Variants in TRIM55 observed in about 807,000 individuals in gnomAD.
TRIM55 encodes tripartite motif-containing protein 55.
A neutral mutation model predicts 60.9 loss-of-function variants in TRIM55; 50 were observed. That is an observed-to-expected ratio of 0.82 (90% CI 0.65 to 1.04). TRIM55 has a LOEUF of 1.04. Ranked by LOEUF, TRIM55 falls within the 50% of genes least tolerant of loss-of-function variation. The pLI is 0.00. For missense variants in TRIM55, 681 were observed against 666.9 expected (o/e 1.02, Z -0.23); for synonymous variants, 237 against 238.1 (o/e 1.00, Z 0.04).
chr8:66,146,594 C>T (rs1810108627), intron 4 of TRIM55, among the ~76,000 whole-genome samples: 1 of 152,150 alleles, frequency 6.6e-6, no homozygotes, highest in African/African-American at 2.4e-5. Flanking sequence ...TTCAAGTGCA[C>T]AACTCATTTG....
intron 9 of TRIM55, among the ~76,000 whole-genome samples, chr8:66,158,351 G>A (rs1273894929): frequency 6.6e-6 from 1 of 152,104 alleles, no homozygotes; most frequent in African/African-American, 2.4e-5. Context: ...ATATCATAAT[G>A]ATTTGTTGTT....
At chr8:66,116,942 A>G in the TRIM55 span, among the ~76,000 whole-genome samples, 1 of 152,246 alleles carries the variant, frequency 6.6e-6, no homozygotes, top group South Asian at 2.1e-4. Flanking sequence ...ACAACATATA[A>G]AAAGGAAAAT....
intron 9 of TRIM55, among the ~76,000 whole-genome samples, chr8:66,158,714 A>G (rs1007321015): frequency 2.0e-5 from 3 of 152,242 alleles, no homozygotes; most frequent in Non-Finnish European, 4.4e-5. Flanking sequence ...AATAATTATA[A>G]TAGATTCTCA....
At chr8:66,123,881 G>T (rs1808722229), upstream of TRIM55, among the ~76,000 whole-genome samples, 1 of 152,124 alleles carries the variant, frequency 6.6e-6, no homozygotes, top group African/African-American at 2.4e-5. Flanking sequence ...CTGTTTCAGA[G>T]GTTTTTGTTT....
At position 66,127,154 on chromosome 8, in the gene TRIM55, G is replaced by A. The variant is rs6998258; in HGVS notation, c.-115G>A. ...AGGGCCTGAAACAATGTCCTCCACC[G>A]AGAGAAACGTAAAGGACACTTGATC... is the stretch of plus-strand genomic sequence containing the variant. On this transcript the variant is annotated 5_prime_UTR_variant, in exon 1 of 10. Coordinates refer to ENST00000315962, the MANE Select transcript of TRIM55 (RefSeq NM_184085.2). 0.044 allele frequency: 51,498 copies of A among 1,168,752 alleles called. 1,674 individuals are homozygous for A. Among genetic ancestry groups the A allele is most frequent in the African/African-American group, 0.14 (9,128 of 64,434 alleles). 72.4% of individuals were successfully genotyped at this position (1,168,752 alleles called of 1,614,324 possible). A position where few individuals can be genotyped will look rare whatever the true frequency, so the allele number is the denominator to read the frequency against.
chr8:66,174,504 G>C lies in TRIM55; in HGVS notation c.1558G>C (p.Ala520Pro). 6.2e-7 allele frequency: 1 copy of C among 1,612,214 alleles called. No individual in the cohort carries two copies. The highest frequency in any genetic ancestry group is 2.2e-5 in the East Asian group (1 of 44,724). Residue 520 changes from alanine to proline, a missense_variant, in exon 10 of 10, where the codon GCT (alanine) becomes CCT (proline). Transcript: ENST00000315962. ...GFEAPPLQGQ[A>P]AAPASGSGAD... is the part of the protein sequence containing the mutation. ...TGAGGCTCCTCCCCTCCAGGGACAG[G>C]CTGCAGCTCCAGCGAGTGGCAGTGG...
chr8:66,152,281 C>T (rs1356170004), intron 7 of TRIM55, 96 bp from the exon 8 acceptor site: 2 of 1,464,582 alleles, frequency 1.4e-6, no homozygotes, highest in African/African-American at 2.9e-5. Flanking sequence ...AACTCCCCAG[C>T]CTTGACCTTA....
At chr8:66,164,366 A>AT (rs1408624934) in intron 9 of TRIM55, among the ~76,000 whole-genome samples, 1 of 152,168 alleles carries the variant, frequency 6.6e-6, no homozygotes, top group African/African-American at 2.4e-5. Flanking sequence ...GTGGGGCTCT[A>AT]TTTTTAGTTT....
Position 66,150,508 on chromosome 8 carries a change from G to A in TRIM55, c.985+42G>A, listed in dbSNP as rs1290479842. 1.9e-6 allele frequency: 3 copies of A among 1,610,926 alleles called. No individual in the cohort carries two copies. The Admixed American group carries it at 5.0e-5, about 27-fold the overall frequency. On this transcript the variant is annotated intron_variant, in intron 7 of 9. Coordinates refer to ENST00000315962, the MANE Select transcript of TRIM55 (RefSeq NM_184085.2). ...ACCATTTGGCCGAAGTTGCAGGTGTGTGAAAGCTGCCGAAGAGTTGGGTGG... is the reference window on the plus strand; with the variant it reads ...ACCATTTGGCCGAAGTTGCAGGTGTATGAAAGCTGCCGAAGAGTTGGGTGG...
chr8:66,113,726 T>C, the TRIM55 span: 1 of 371,020 alleles, frequency 2.7e-6, no homozygotes, highest in South Asian at 2.0e-5. Flanking sequence ...TCTTTGGCAT[T>C]GCCCGGGCCC....
chr8:66,143,967 G>T (rs1040562252), intron 4 of TRIM55, among the ~76,000 whole-genome samples: 2 of 152,136 alleles, frequency 1.3e-5, no homozygotes, highest in South Asian at 2.1e-4. Flanking sequence ...ATGGTGCTTT[G>T]CTTGGAAGGC....
intron 2 of TRIM55, among the ~76,000 whole-genome samples, chr8:66,130,100 A>T (rs1310426808): frequency 3.3e-5 from 5 of 152,240 alleles, no homozygotes; most frequent in African/African-American, 9.6e-5. Context: ...ACATGAAAAA[A>T]TAGCAATACT....
chr8:66,165,702 G>A (rs1054191375), intron 9 of TRIM55, among the ~76,000 whole-genome samples: 3 of 152,234 alleles, frequency 2.0e-5, no homozygotes, highest in East Asian at 1.9e-4. Flanking sequence ...ATTTCAACTT[G>A]ATAACAATAG....
chr8:66,163,554 T>A (rs1032346349), intron 9 of TRIM55, among the ~76,000 whole-genome samples: 3 of 152,228 alleles, frequency 2.0e-5, no homozygotes, highest in African/African-American at 7.2e-5. Context: ...TGAGCGGCAT[T>A]TCGTTTCCAG....
intron 9 of TRIM55, among the ~76,000 whole-genome samples, chr8:66,165,703 A>T (rs1406516992): frequency 6.6e-6 from 1 of 152,220 alleles, no homozygotes; most frequent in South Asian, 2.1e-4. Context: ...TTTCAACTTG[A>T]TAACAATAGA....
At chr8:66,116,065 A>G in the TRIM55 span, among the ~76,000 whole-genome samples, 5 of 152,224 alleles carry the variant, frequency 3.3e-5, no homozygotes, top group South Asian at 2.1e-4. Flanking sequence ...ATGCGTTTAT[A>G]TAAATATATA....
intron 9 of TRIM55, chr8:66,155,718 A>G: frequency 6.4e-7 from 1 of 1,572,990 alleles, no homozygotes; most frequent in Non-Finnish European, 8.7e-7. Flanking sequence ...TGGGTAGGAA[A>G]TATTTTCTTT....
intron 9 of TRIM55, among the ~76,000 whole-genome samples, chr8:66,155,113 G>A (rs73249976): frequency 0.024 from 3,727 of 152,322 alleles, 149 homozygotes; most frequent in African/African-American, 0.079. Context: ...TGTGTAGGGT[G>A]TGAGTGTTGC....
Position 66,127,352 on chromosome 8 carries a change from C to T in TRIM55, c.84C>T (p.Ile28=), listed in dbSNP as rs1217473384. 2 of 1,614,166 alleles carry T rather than the reference C, an allele frequency of 1.2e-6. No homozygotes were observed. The highest frequency in any genetic ancestry group is 1.1e-5 in the South Asian group (1 of 91,084). ...DNLEKQLICP[I]CLEMFTKPVV... The stretch of plus-strand genomic sequence containing the variant: ...TAGAGAAGCAACTCATCTGTCCCAT[C>T]TGCTTAGAGATGTTCACGAAACCTG... Residue 28 remains isoleucine (I), a synonymous_variant, in exon 1 of 10, where the codon ATC becomes ATT. Coordinates refer to ENST00000315962, the MANE Select transcript of TRIM55 (RefSeq NM_184085.2).
Sources: allele counts gnomAD v4.1 joint callset (sites outside exome capture counted in the v4.1 genomes callset), GRCh38; gene constraint gnomAD v4.1.1; transcripts MANE v1.5; gene names NCBI Gene and HGNC (gene_info 2026-07-23, HGNC 2026-07-21).